Variants in CAMKMT observed in about 807,000 individuals in gnomAD.
CAMKMT encodes calmodulin-lysine N-methyltransferase, also known as CaM KMT.
In CAMKMT, 53 loss-of-function variants were observed where a neutral mutation model predicts 48.0. The ratio of observed to expected loss-of-function variants is 1.10; its 90% CI spans 0.89 to 1.39. The LOEUF (loss-of-function observed/expected upper bound fraction) is 1.39. CAMKMT is among the 40% of genes most tolerant of loss of function. The probability of loss-of-function intolerance (pLI) is 0.00; values close to 1 mark genes in which losing one functional copy is unlikely to be tolerated. For synonymous variants in CAMKMT, 165 were observed against 152.3 expected (o/e 1.08, Z -0.61); for missense variants, 428 against 402.7 (o/e 1.06, Z -0.54).
rs111415893 is a variant in CAMKMT, at chr2:44,563,745, A to G, written c.377-140538A>G. 4.1e-3 allele frequency among the ~76,000 whole-genome samples: 624 copies of G among 151,910 alleles called. 8 individuals are homozygous for G. Among genetic ancestry groups the G allele is most frequent in the African/African-American group, 0.014 (598 of 41,402 alleles). The stretch of plus-strand genomic sequence containing the variant: ...GGTGTTTGGTTTTCTGTCTTTGGCG[A>G]TAGTTTGCTCAGAATGATGGTTTCC... On this transcript the variant is annotated intron_variant, in intron 3 of 10. Transcript: ENST00000378494.
Position 44,618,301 on chromosome 2 carries a change from A to G in CAMKMT, c.377-85982A>G, listed in dbSNP as rs928745059. The stretch of plus-strand genomic sequence containing the variant: ...AAGCATAAGAGCTTGCACTGCCATC[A>G]GAGTCATTTTACGACAGCCAGGGAG... On this transcript the variant is annotated intron_variant, in intron 3 of 10. Transcript: ENST00000378494. This position sits in a 1 kb window ranked among gnomAD's most constrained non-coding sequence, Gnocchi z 4.0. Among the ~76,000 whole-genome samples, 3 of 152,220 alleles carry G rather than the reference A, an allele frequency of 2.0e-5. No individual in the cohort carries two copies. The highest frequency in any genetic ancestry group is 4.4e-5 in the Non-Finnish European group (3 of 68,042).
At chr2:44,461,232 G>A (rs982455106) in intron 3 of CAMKMT, among the ~76,000 whole-genome samples, 2 of 152,092 alleles carry the variant, frequency 1.3e-5, no homozygotes, top group African/African-American at 4.8e-5. Flanking sequence ...TTGTAATCCA[G>A]ACTGACATCT....
chr2:44,655,733 G>C (rs1431532494), intron 3 of CAMKMT, among the ~76,000 whole-genome samples: 2 of 152,198 alleles, frequency 1.3e-5, no homozygotes, highest in African/African-American at 4.8e-5. Flanking sequence ...ATTAGAAAAG[G>C]AGACAGGGGA....
intron 7 of CAMKMT, among the ~76,000 whole-genome samples, chr2:44,735,308 C>G (rs1679296892): frequency 6.6e-6 from 1 of 152,232 alleles, no homozygotes; most frequent in East Asian, 1.9e-4. Flanking sequence ...CTGACACACT[C>G]TGCCTTTTAA....
intron 3 of CAMKMT, among the ~76,000 whole-genome samples, chr2:44,466,907 A>C (rs1328421959): frequency 6.6e-6 from 1 of 152,216 alleles, no homozygotes; most frequent in Non-Finnish European, 1.5e-5. Flanking sequence ...GATAACCTAG[A>C]AATGGATAAA....
At chr2:44,679,527 G>A (rs1208883789) in intron 3 of CAMKMT, among the ~76,000 whole-genome samples, 1 of 152,192 alleles carries the variant, frequency 6.6e-6, no homozygotes, top group East Asian at 1.9e-4. Flanking sequence ...TCTCCACGAG[G>A]GGAAAGAAAT....
At chr2:44,685,806 A>G (rs1336314109) in intron 3 of CAMKMT, among the ~76,000 whole-genome samples, 6 of 152,226 alleles carry the variant, frequency 3.9e-5, no homozygotes, top group Non-Finnish European at 8.8e-5. Context: ...ATAATGACTT[A>G]GAAATAATAT....
chr2:44,572,493 A>G (rs1173239638), intron 3 of CAMKMT, among the ~76,000 whole-genome samples: 3 of 152,202 alleles, frequency 2.0e-5, no homozygotes, highest in Non-Finnish European at 4.4e-5. Flanking sequence ...ATTCTATTGC[A>G]TGTATATATT....
At chr2:44,753,415 A>AAAAG (rs555708405) in intron 8 of CAMKMT, among the ~76,000 whole-genome samples, 1 of 151,868 alleles carries the variant, frequency 6.6e-6, no homozygotes, top group East Asian at 1.9e-4. Context: ...CAAAAAAAAA[A>AAAAG]AAAGAAAGAA....
intron 3 of CAMKMT, among the ~76,000 whole-genome samples, chr2:44,559,289 C>A (rs1307100137): frequency 1.3e-5 from 2 of 152,180 alleles, no homozygotes; most frequent in Non-Finnish European, 1.5e-5. Context: ...CCGAGAGCAT[C>A]TGTCACAGAC....
chr2:44,584,234 T>C (rs1316125723), intron 3 of CAMKMT, among the ~76,000 whole-genome samples: 2 of 152,230 alleles, frequency 1.3e-5, no homozygotes, highest in Non-Finnish European at 2.9e-5. Flanking sequence ...ATTTTATAGA[T>C]ACACCACAAT....
intron 3 of CAMKMT, among the ~76,000 whole-genome samples, chr2:44,527,627 A>T (rs1452819423): frequency 1.3e-5 from 2 of 151,716 alleles, no homozygotes; most frequent in African/African-American, 4.8e-5. Flanking sequence ...TTTAAGAAGC[A>T]GCAGTGTTCT....
intron 3 of CAMKMT, among the ~76,000 whole-genome samples, chr2:44,538,152 G>C (rs938076533): frequency 6.6e-6 from 1 of 151,944 alleles, no homozygotes; most frequent in Admixed American, 6.6e-5. Context: ...GGTGGATCAC[G>C]AGGTCAGGTG....
At chr2:44,567,015 G>A (rs1668650880) in intron 3 of CAMKMT, among the ~76,000 whole-genome samples, 1 of 152,076 alleles carries the variant, frequency 6.6e-6, no homozygotes, top group Non-Finnish European at 1.5e-5. Context: ...CAGAAGCTTG[G>A]GGGAAAAGAA....
chr2:44,563,082 A>C (rs181823940), intron 3 of CAMKMT, among the ~76,000 whole-genome samples: 1 of 152,318 alleles, frequency 6.6e-6, no homozygotes, highest in Non-Finnish European at 1.5e-5. Context: ...TATGGAAGAG[A>C]AAAATAAGGC....
chr2:44,655,973 C>T (rs760156918), intron 3 of CAMKMT, among the ~76,000 whole-genome samples: 5 of 152,058 alleles, frequency 3.3e-5, no homozygotes, highest in Non-Finnish European at 7.4e-5. Flanking sequence ...GAAGGCTTTC[C>T]GTTCCAGTTT....
At chr2:44,640,775 C>T (rs1470778084) in intron 3 of CAMKMT, among the ~76,000 whole-genome samples, 1 of 152,148 alleles carries the variant, frequency 6.6e-6, no homozygotes, top group African/African-American at 2.4e-5. Context: ...GGAGAGCATG[C>T]CCTCTGTAAT....
chr2:44,608,048 T>C lies in CAMKMT; in HGVS notation c.377-96235T>C, dbSNP rs140493030. ...CTTTCATATGTAAACTGTATACCAA[T>C]AGATATTTAAAATATATTTTCCTTT... is the stretch of plus-strand genomic sequence containing the variant. On this transcript the variant is annotated intron_variant, in intron 3 of 10. Coordinates refer to ENST00000378494, the MANE Select transcript of CAMKMT (RefSeq NM_024766.5). Among the ~76,000 whole-genome samples the C allele has an allele frequency of 5.5e-4, 83 of 150,450 alleles. 1 individual carries two copies. Among genetic ancestry groups the C allele is most frequent in the Non-Finnish European group, 9.6e-4 (65 of 67,744 alleles).
At chr2:44,477,542 G>GA (rs1220041166) in intron 3 of CAMKMT, among the ~76,000 whole-genome samples, 9 of 152,222 alleles carry the variant, frequency 5.9e-5, no homozygotes, top group Non-Finnish European at 8.8e-5. Context: ...TAGGTAGCTG[G>GA]AAAAAATTAT....
Sources: gnomAD v4.1 joint callset for allele counts (sites outside exome capture counted in the v4.1 genomes callset) on GRCh38, gnomAD v4.1.1 for gene constraint, Gnocchi (gnomAD v3.1) non-coding constraint, MANE v1.5 for transcripts, NCBI Gene and HGNC (gene_info 2026-07-23, HGNC 2026-07-21) for gene names.